Variants in TMC3 observed in about 807,000 individuals in gnomAD.
TMC3 encodes transmembrane channel like 3, also known as transmembrane channel-like protein 3.
Under a neutral mutation model 110.6 loss-of-function variants are expected in TMC3, and 98 were observed. The ratio of observed to expected loss-of-function variants is 0.89; its 90% CI spans 0.75 to 1.05. TMC3 has a LOEUF of 1.05. Among genes scored for constraint, TMC3 ranks in the 50% least tolerant of loss-of-function variants. The pLI, the probability that TMC3 is intolerant of heterozygous loss-of-function variation, is 0.00. For missense variants in TMC3, 1,319 were observed against 1,373.2 expected, an observed-to-expected ratio of 0.96 and a Z score of 0.62; for synonymous variants, 489 against 513.1, an observed-to-expected ratio of 0.95 and a Z score of 0.63.
At position 81,359,229 on chromosome 15, in the gene TMC3, G is replaced by A. The variant is rs980191155; in HGVS notation, c.501+136C>T. The A allele has an allele frequency of 9.0e-6, 6 of 664,598 alleles. No individual in the cohort carries two copies. In the African/African-American group the frequency reaches 1.1e-4, roughly 13 times the overall value. 41.2% of individuals were successfully genotyped at this position (664,598 alleles called of 1,614,324 possible). A position where few individuals can be genotyped will look rare whatever the true frequency, so the allele number is the denominator to read the frequency against. On this transcript the variant is annotated intron_variant, in intron 5 of 21. Transcript: ENST00000359440. ...AGTATTTATTCTGTGGTCCTTTACAGAAAAAGTTTGCCAAGCCCTGCTTTA... is the reference window on the plus strand; with the variant it reads ...AGTATTTATTCTGTGGTCCTTTACAAAAAAAGTTTGCCAAGCCCTGCTTTA...
chr15:81,364,707 A>AT (rs1555429393), intron 3 of TMC3, among the ~76,000 whole-genome samples: 197 of 135,078 alleles, frequency 1.5e-3, no homozygotes, highest in African/African-American at 4.8e-3. Context: ...TTCCAAAAAA[A>AT]AAAAAATAAA....
intron 3 of TMC3, among the ~76,000 whole-genome samples, chr15:81,362,888 A>T (rs1476200072): frequency 2.6e-5 from 4 of 151,984 alleles, no homozygotes; most frequent in Admixed American, 6.6e-5. Context: ...AATGAGCCCC[A>T]CCCTAATGTG....
At chr15:81,369,050 A>G (rs1894378606) in intron 2 of TMC3, among the ~76,000 whole-genome samples, 2 of 152,112 alleles carry the variant, frequency 1.3e-5, no homozygotes, top group Non-Finnish European at 2.9e-5. Context: ...ACCTAATCAT[A>G]TACCACCCCA....
At position 81,374,212 on chromosome 15, in the gene TMC3, G is replaced by A; in HGVS notation, c.-135C>T. On this transcript the variant is annotated 5_prime_UTR_variant, in exon 1 of 22. Coordinates refer to ENST00000359440, the MANE Select transcript of TMC3 (RefSeq NM_001080532.3). ...CGCTAGTTCTCAGGAAGAAGACTGT[G>A]TGCTTGCAGCTGGTGCTCTGAGCAG... 1.4e-6 allele frequency: 1 copy of A among 721,726 alleles called. No homozygotes were observed. The highest frequency in any genetic ancestry group is 2.4e-6 in the Non-Finnish European group (1 of 417,832). 44.7% of individuals were successfully genotyped at this position (721,726 alleles called of 1,614,324 possible). A position where few individuals can be genotyped will look rare whatever the true frequency, so the allele number is the denominator to read the frequency against.
In TMC3 at chr15:81,343,984, T is replaced by C. The variant is rs1270583374; in HGVS notation, c.1580A>G (p.Asp527Gly). The change falls in exon 14 of 22, where the codon GAC becomes GGC. Residue 527 changes from aspartate (D) to glycine (G), a missense_variant. Physicochemically the swap from Asp to Gly is moderately conservative, Grantham distance 94 (BLOSUM62 -1). Coordinates refer to ENST00000359440, the MANE Select transcript of TMC3 (RefSeq NM_001080532.3). ...LFTVASILLI[D>G]FFRGLFVRYL... Reference sequence around the variant, plus strand: ...CCGCACGAAAAGTCCTCGGAAGAAGTCTATGAGCAGAATGCTCGCCACGGT... The same window carrying C: ...CCGCACGAAAAGTCCTCGGAAGAAGCCTATGAGCAGAATGCTCGCCACGGT... 6.2e-7 allele frequency: 1 copy of C among 1,613,286 alleles called. No individual in the cohort carries two copies. The highest frequency in any genetic ancestry group is 8.5e-7 in the Non-Finnish European group (1 of 1,179,520).
At chr15:81,358,335 G>A (rs1362419785) in intron 6 of TMC3, 44 bp from the exon 7 acceptor site, 1 of 1,598,702 alleles carries the variant, frequency 6.3e-7, no homozygotes, top group Admixed American at 1.7e-5. Context: ...CCCGTTCCCA[G>A]GTCTCAGAAC....
At position 81,343,948 on chromosome 15, in the gene TMC3, T is replaced by A. The variant is rs1893768699; in HGVS notation, c.1616A>T (p.Asp539Val). 1 of 1,612,930 alleles carries A rather than the reference T, an allele frequency of 6.2e-7. No homozygotes were observed. The highest frequency in any genetic ancestry group is 1.1e-5 in the South Asian group (1 of 91,050). The change falls in exon 14 of 22, where the codon GAC becomes GTC. Residue 539 changes from aspartate (D) to valine (V), a missense_variant. Physicochemically the swap from Asp to Val is radical, Grantham distance 152 (BLOSUM62 -3). Coordinates refer to ENST00000359440, the MANE Select transcript of TMC3 (RefSeq NM_001080532.3). Reference sequence around the variant, plus strand: ...GCTCTCCAGATCCCAACACCAGTAGTCACTTAAGTACCGCACGAAAAGTCC... The same window carrying A: ...GCTCTCCAGATCCCAACACCAGTAGACACTTAAGTACCGCACGAAAAGTCC... ...FRGLFVRYLS[D>V]YWCWDLESKF... is the part of the protein sequence containing the mutation.
rs113299863 is a variant in TMC3, at chr15:81,339,692, G to A, written c.1845-188C>T. 9.9e-5 allele frequency among the ~76,000 whole-genome samples: 15 copies of A among 152,204 alleles called. 1 individual carries two copies. In the East Asian group the frequency reaches 2.3e-3, roughly 23 times the overall value. ...GCAGCTTAGAAACCTAGAAATCAGC[G>A]TTCAAAGGAACTTCAGAGATCTCCC... On this transcript the variant is annotated intron_variant, in intron 16 of 21. Transcript: ENST00000359440.
At chr15:81,342,615 A>G (rs1893738775) in intron 15 of TMC3, 1 of 152,212 alleles carries the variant, frequency 6.6e-6, no homozygotes, top group African/African-American at 2.4e-5. Flanking sequence ...ATTGCCATGT[A>G]TTTTACTGAA....
intron 19 of TMC3, 97 bp from the exon 20 acceptor site, chr15:81,336,748 G>C: frequency 1.6e-6 from 2 of 1,266,292 alleles, no homozygotes; most frequent in Non-Finnish European, 2.3e-6. Context: ...ACATGCCATA[G>C]TTCTTACCTT....
At chr15:81,357,444 T>G (rs1894089744) in intron 7 of TMC3, among the ~76,000 whole-genome samples, 1 of 151,920 alleles carries the variant, frequency 6.6e-6, no homozygotes, top group African/African-American at 2.4e-5. Context: ...CCCCGGGATT[T>G]GGAGCCTCCT....
intron 9 of TMC3, 63 bp downstream of exon 9, chr15:81,355,662 T>C: frequency 1.8e-6 from 2 of 1,117,164 alleles, no homozygotes; most frequent in Non-Finnish European, 2.7e-6. Context: ...ATCTGGTAGT[T>C]TTTGTACCAA....
At chr15:81,373,151 G>A (rs1030501012) in intron 1 of TMC3, among the ~76,000 whole-genome samples, 2 of 152,076 alleles carry the variant, frequency 1.3e-5, no homozygotes, top group Admixed American at 6.6e-5. Flanking sequence ...TTTAGAGGCA[G>A]GACTCCTTAT....
chr15:81,344,162 C>A, intron 13 of TMC3, 117 bp from the exon 14 acceptor site: 1 of 1,038,836 alleles, frequency 9.6e-7, no homozygotes, highest in Non-Finnish European at 1.4e-6. Context: ...TGGGCCCCTC[C>A]AATGGCATCT....
chr15:81,351,074 A>G (rs774725072), intron 10 of TMC3, among the ~76,000 whole-genome samples: 1 of 152,242 alleles, frequency 6.6e-6, no homozygotes, highest in Non-Finnish European at 1.5e-5. Context: ...AATGTGGAAC[A>G]TGGATGTGAA....
intron 2 of TMC3, among the ~76,000 whole-genome samples, chr15:81,370,177 C>T (rs1894403041): frequency 1.3e-5 from 2 of 152,180 alleles, no homozygotes; most frequent in Admixed American, 6.5e-5. Context: ...TGTCCTATAT[C>T]CTCTTAGACA....
At chr15:81,343,456 T>C in intron 14 of TMC3, 111 bp from the exon 15 acceptor site, 1 of 732,082 alleles carries the variant, frequency 1.4e-6, no homozygotes, top group Admixed American at 2.1e-5. Flanking sequence ...CACTTAGAGA[T>C]CAGTGCTTGT....
intron 17 of TMC3, 133 bp from the exon 18 acceptor site, chr15:81,338,913 T>A (rs375915920): frequency 1.1e-4 from 110 of 973,676 alleles, no homozygotes; most frequent in African/African-American, 6.6e-4. Flanking sequence ...CTAATTAATA[T>A]GGAGGATGGA....
At chr15:81,353,908 A>G (rs759755745) in intron 9 of TMC3, among the ~76,000 whole-genome samples, 3 of 152,224 alleles carry the variant, frequency 2.0e-5, no homozygotes, top group Non-Finnish European at 4.4e-5. Flanking sequence ...TGCTTCATAA[A>G]TATTTGCTAG....
Sources: allele counts gnomAD v4.1 joint callset (sites outside exome capture counted in the v4.1 genomes callset), GRCh38; gene constraint gnomAD v4.1.1; transcripts MANE v1.5; gene names NCBI Gene and HGNC (gene_info 2026-07-23, HGNC 2026-07-21).